CDH13: variants seen among roughly 807,000 people sequenced by gnomAD.
CDH13 encodes the protein cadherin-13.
CDH13 carries 24 observed loss-of-function variants against 63.8 expected under a neutral mutation model. The observed-to-expected ratio is 0.38, with a 90% confidence interval of 0.27 to 0.53. The LOEUF (loss-of-function observed/expected upper bound fraction) is 0.53. Ranked by LOEUF, CDH13 falls within the 20% of genes least tolerant of loss-of-function variation. The pLI, the probability that CDH13 is intolerant of heterozygous loss-of-function variation, is 0.85. For synonymous variants in CDH13, 503 were observed against 355.3 expected (o/e 1.42, Z -4.67); for missense variants, 1,049 against 903.1 (o/e 1.16, Z -2.07).
At chr16:83,650,038 G>A (rs187431166) in intron 8 of CDH13, among the ~76,000 whole-genome samples, 2 of 152,244 alleles carry the variant, frequency 1.3e-5, no homozygotes, top group African/African-American at 4.8e-5. Context: ...ATTTTCTGAG[G>A]CCCATTGAGA....
At chr16:83,225,232 C>A (rs72802234) in intron 5 of CDH13, among the ~76,000 whole-genome samples, 66 of 152,310 alleles carry the variant, frequency 4.3e-4, no homozygotes, top group Non-Finnish European at 7.2e-4. Flanking sequence ...GACCTGATCA[C>A]TAATTGGCCT....
At chr16:82,736,277 C>T (rs140410125) in intron 1 of CDH13, among the ~76,000 whole-genome samples, 7 of 152,056 alleles carry the variant, frequency 4.6e-5, no homozygotes, top group Non-Finnish European at 8.8e-5. Flanking sequence ...TTTATATAAT[C>T]CTTGAAACAT....
At chr16:82,698,577 G>A (rs1349645820) in intron 1 of CDH13, among the ~76,000 whole-genome samples, 1 of 152,124 alleles carries the variant, frequency 6.6e-6, no homozygotes, top group African/African-American at 2.4e-5. Flanking sequence ...TGTAGCTTGG[G>A]CATGTTTTTA....
chr16:83,337,021 A>G (rs2090612856), intron 5 of CDH13, among the ~76,000 whole-genome samples: 1 of 152,246 alleles, frequency 6.6e-6, no homozygotes, highest in Admixed American at 6.5e-5. Context: ...ACTCAAATGA[A>G]GGGCAAGCTG....
At chr16:83,283,304 A>C (rs1267726970) in intron 5 of CDH13, among the ~76,000 whole-genome samples, 2 of 152,212 alleles carry the variant, frequency 1.3e-5, no homozygotes. Flanking sequence ...AAAGTTCCAC[A>C]GAATGGCTGG....
chr16:83,221,841 A>T (rs1252114302), intron 5 of CDH13, among the ~76,000 whole-genome samples: 5 of 152,228 alleles, frequency 3.3e-5, no homozygotes, highest in Non-Finnish European at 4.4e-5. Context: ...GAGCATATGG[A>T]AGAAGAGGCA....
At chr16:83,224,038 G>A (rs2039775657) in intron 5 of CDH13, among the ~76,000 whole-genome samples, 1 of 152,084 alleles carries the variant, frequency 6.6e-6, no homozygotes, top group Non-Finnish European at 1.5e-5. Flanking sequence ...TCATTCTTTT[G>A]CCTTTGCATC....
chr16:82,937,160 T>A (rs2042694617), intron 2 of CDH13, among the ~76,000 whole-genome samples: 1 of 152,186 alleles, frequency 6.6e-6, no homozygotes, highest in South Asian at 2.1e-4. Flanking sequence ...GATAGGGTGG[T>A]CACGCTACTG....
chr16:83,654,501 G>T (rs1388392125), intron 8 of CDH13, among the ~76,000 whole-genome samples: 1 of 152,072 alleles, frequency 6.6e-6, no homozygotes, highest in Admixed American at 6.6e-5. Flanking sequence ...AAGATGTCGG[G>T]ATCAGGGGCC....
At chr16:83,046,743 C>T (rs893746182) in intron 3 of CDH13, among the ~76,000 whole-genome samples, 2 of 152,174 alleles carry the variant, frequency 1.3e-5, no homozygotes, top group African/African-American at 4.8e-5. Context: ...CCCCAGAATG[C>T]CTCCTAGATA....
At chr16:83,733,686 C>A (rs557738143) in intron 10 of CDH13, among the ~76,000 whole-genome samples, 2 of 152,282 alleles carry the variant, frequency 1.3e-5, no homozygotes, top group South Asian at 2.1e-4. Flanking sequence ...CATGGTGTGT[C>A]GGTTAATCAC....
chr16:83,499,758 G>GATGGGGCT, intron 7 of CDH13, among the ~76,000 whole-genome samples: 1 of 152,140 alleles, frequency 6.6e-6, no homozygotes, highest in Non-Finnish European at 1.5e-5. Context: ...TTCTAGTTTG[G>GATGGGGCT]GTGCAGTGGC....
At chr16:83,093,196 T>C (rs2034005860) in intron 3 of CDH13, among the ~76,000 whole-genome samples, 1 of 151,960 alleles carries the variant, frequency 6.6e-6, no homozygotes, top group Non-Finnish European at 1.5e-5. Flanking sequence ...GTTTCTGTCT[T>C]CTCCAGCCCT....
At chr16:83,184,835 C>A (rs943630801) in intron 4 of CDH13, among the ~76,000 whole-genome samples, 1 of 151,902 alleles carries the variant, frequency 6.6e-6, no homozygotes, top group African/African-American at 2.4e-5. Flanking sequence ...AGTCCCTGCT[C>A]CAGACTATAT....
At chr16:83,371,724 C>T (rs1221713571) in intron 6 of CDH13, among the ~76,000 whole-genome samples, 1 of 152,140 alleles carries the variant, frequency 6.6e-6, no homozygotes, top group Non-Finnish European at 1.5e-5. Context: ...TACTGGAAGG[C>T]TTTGCATGTA....
At chr16:82,632,190 T>G (rs1252041250) in intron 1 of CDH13, among the ~76,000 whole-genome samples, 1 of 152,162 alleles carries the variant, frequency 6.6e-6, no homozygotes, top group Non-Finnish European at 1.5e-5. Context: ...CACTCTCTAC[T>G]ACCCAGCCTT....
chr16:83,019,733 C>T (rs1339345165), intron 2 of CDH13, among the ~76,000 whole-genome samples: 1 of 150,332 alleles, frequency 6.7e-6, no homozygotes, highest in Non-Finnish European at 1.5e-5. Context: ...TGGGCTCAAG[C>T]GATCTGCCTA....
chr16:83,278,897 A>G (rs1212610444), intron 5 of CDH13, among the ~76,000 whole-genome samples: 1 of 152,240 alleles, frequency 6.6e-6, no homozygotes, highest in Non-Finnish European at 1.5e-5. Context: ...CCTTAGTCTC[A>G]TAATCAGTCT....
chr16:83,277,696 C>G (rs139980242), intron 5 of CDH13, among the ~76,000 whole-genome samples: 1,701 of 152,116 alleles, frequency 0.011, 13 homozygotes, highest in Middle Eastern at 0.031. Context: ...CAGCGGATTC[C>G]CTTAAGTCAA....
Sources: allele counts gnomAD v4.1 joint callset (sites outside exome capture counted in the v4.1 genomes callset), GRCh38; gene constraint gnomAD v4.1.1; transcripts MANE v1.5; gene names NCBI Gene and HGNC (gene_info 2026-07-23, HGNC 2026-07-21).